ROBO2: variants seen among roughly 807,000 people sequenced by gnomAD.
ROBO2 encodes roundabout homolog 2.
Under a neutral mutation model 160.8 loss-of-function variants are expected in ROBO2, and 53 were observed. That is an observed-to-expected ratio of 0.33 (90% CI 0.26 to 0.41). The LOEUF (loss-of-function observed/expected upper bound fraction) is 0.41. ROBO2 is among the 10% of genes least tolerant of loss of function. ROBO2 has a pLI of 1.00. For synonymous variants in ROBO2, 664 were observed against 611.7 expected, an observed-to-expected ratio of 1.09 and a Z score of -1.26; for missense variants, 1,577 against 1,722.4, an observed-to-expected ratio of 0.92 and a Z score of 1.49.
intron 11 of ROBO2, chr3:77,564,320 C>A: frequency 2.8e-6 from 1 of 350,918 alleles, no homozygotes; most frequent in East Asian, 8.4e-5. Context: ...GTAAATGGGT[C>A]CTCACACACA....
intron 2 of ROBO2, among the ~76,000 whole-genome samples, chr3:76,886,114 C>G (rs1202510516): frequency 6.6e-6 from 1 of 152,144 alleles, no homozygotes; most frequent in African/African-American, 2.4e-5. Flanking sequence ...CTTGGGAATG[C>G]ACCTGCATGT....
In ROBO2 at chr3:77,493,106, T is replaced by C. The variant is rs1055064086; in HGVS notation, c.668-138T>C. The stretch of plus-strand genomic sequence containing the variant: ...ATGACATTGGATTCACAAGGCCTTA[T>C]TAAAACACAGCTGAGGTACAGAGTT... On this transcript the variant is annotated intron_variant, in intron 4 of 25. Coordinates refer to ENST00000461745, the Ensembl canonical transcript of ROBO2. 4 of 820,888 alleles carry C rather than the reference T, an allele frequency of 4.9e-6. No individual in the cohort carries two copies. In the African/African-American group the frequency reaches 6.8e-5, roughly 14 times the overall value. The allele number at this position is 820,888 out of a possible 1,614,324, so 50.9% of individuals were successfully genotyped here. A position where few individuals can be genotyped will look rare whatever the true frequency, so the allele number is the denominator to read the frequency against.
At chr3:77,282,106 AG>A (rs1323331743) in intron 2 of ROBO2, among the ~76,000 whole-genome samples, 1 of 152,184 alleles carries the variant, frequency 6.6e-6, no homozygotes, top group Non-Finnish European at 1.5e-5. Context: ...AATCATGACA[AG>A]GAAAAAATGT....
intron 2 of ROBO2, among the ~76,000 whole-genome samples, chr3:75,954,203 C>T (rs1004764211): frequency 6.6e-6 from 1 of 151,806 alleles, no homozygotes; most frequent in Non-Finnish European, 1.5e-5. Flanking sequence ...TTCTTCTTCT[C>T]TGTATTTGTT....
At chr3:76,008,010 G>C (rs1006595618) in intron 2 of ROBO2, among the ~76,000 whole-genome samples, 1 of 151,902 alleles carries the variant, frequency 6.6e-6, no homozygotes, top group Non-Finnish European at 1.5e-5. Flanking sequence ...TTGGGAGGTG[G>C]ATCACCTGAG....
At chr3:76,926,336 G>A (rs1361403658) in intron 2 of ROBO2, among the ~76,000 whole-genome samples, 4 of 152,166 alleles carry the variant, frequency 2.6e-5, no homozygotes, top group Non-Finnish European at 5.9e-5. Context: ...AGAGAAAACC[G>A]ATTCCAGGAA....
chr3:76,094,576 G>A (rs1018666474), intron 2 of ROBO2, among the ~76,000 whole-genome samples: 1 of 152,170 alleles, frequency 6.6e-6, no homozygotes, highest in Admixed American at 6.5e-5. Flanking sequence ...CCATGATTCA[G>A]TTATTTTAGA....
intron 2 of ROBO2, among the ~76,000 whole-genome samples, chr3:76,947,431 A>G (rs531283624): frequency 2.5e-4 from 38 of 152,170 alleles, no homozygotes; most frequent in Non-Finnish European, 4.7e-4. Context: ...ATCTAGTGAA[A>G]TTTAGAATAA....
chr3:76,421,008 T>C (rs1049022242), intron 2 of ROBO2, among the ~76,000 whole-genome samples: 10 of 152,184 alleles, frequency 6.6e-5, no homozygotes, highest in Non-Finnish European at 1.2e-4. Flanking sequence ...TGCTGATATT[T>C]AATAGGACTT....
chr3:76,042,975 A>T (rs774028304), intron 2 of ROBO2, among the ~76,000 whole-genome samples: 2 of 152,012 alleles, frequency 1.3e-5, no homozygotes, highest in Non-Finnish European at 2.9e-5. Context: ...CGCTGAATAA[A>T]GCCCTTCCTT....
intron 2 of ROBO2, among the ~76,000 whole-genome samples, chr3:77,464,856 C>A (rs1407688632): frequency 2.0e-5 from 3 of 152,144 alleles, no homozygotes; most frequent in African/African-American, 7.2e-5. Context: ...TGTCATAAGG[C>A]CCTAGCCCTC....
At chr3:76,089,664 A>G (rs2108083373) in intron 2 of ROBO2, among the ~76,000 whole-genome samples, 1 of 152,280 alleles carries the variant, frequency 6.6e-6, no homozygotes, top group African/African-American at 2.4e-5. Context: ...AACTAGGAAC[A>G]GAGAACTTTT....
Position 76,567,809 on chromosome 3 carries a change from T to TA in ROBO2, c.110-530205_110-530204insA, listed in dbSNP as rs56996117. On this transcript the variant is annotated intron_variant, in intron 2 of 26. Coordinates refer to the ROBO2 transcript ENST00000487694. ...TGTGTGTGTGTGTGTATATATATAT[T>TA]TTTTTTTTTTTTTTGGGGGGGGTTG... Among the ~76,000 whole-genome samples, 308 of 64,702 alleles carry TA rather than the reference T, an allele frequency of 4.8e-3. 2 individuals carry two copies. The highest frequency in any genetic ancestry group is 0.019 in the South Asian group (38 of 1,976). 42.4% of individuals were successfully genotyped at this position (64,702 alleles called of 152,430 possible). A position where few individuals can be genotyped will look rare whatever the true frequency, so the allele number is the denominator to read the frequency against.
intron 2 of ROBO2, among the ~76,000 whole-genome samples, chr3:76,078,513 AC>A (rs1162674419): frequency 6.6e-6 from 1 of 151,982 alleles, no homozygotes; most frequent in Non-Finnish European, 1.5e-5. Context: ...CTACAGACAC[AC>A]ACCACCTTGC....
rs2080088828 is a variant in ROBO2 at position 76,495,313 on chromosome 3, A to G, written c.109+557711A>G. On this transcript the variant is annotated intron_variant, in intron 2 of 26. Coordinates refer to the ROBO2 transcript ENST00000487694. Reference sequence around the variant, plus strand: ...GGTTATGTTTTATTGGTTAATTAATATCTCATTTAGTGGTTGAAGATATTT... The same window carrying G: ...GGTTATGTTTTATTGGTTAATTAATGTCTCATTTAGTGGTTGAAGATATTT... Among the ~76,000 whole-genome samples the G allele has an allele frequency of 3.3e-5, 5 of 150,514 alleles. No homozygotes were observed. In the South Asian group the frequency reaches 8.4e-4, roughly 25 times the overall value.
chr3:76,143,377 T>G (rs1577035961), intron 2 of ROBO2, among the ~76,000 whole-genome samples: 1 of 152,192 alleles, frequency 6.6e-6, no homozygotes, highest in East Asian at 1.9e-4. Context: ...TGTCACCACT[T>G]TGTCCAGTGA....
intron 2 of ROBO2, among the ~76,000 whole-genome samples, chr3:77,221,055 G>T (rs1560273763): frequency 1.3e-5 from 2 of 152,084 alleles, no homozygotes; most frequent in South Asian, 4.1e-4. Flanking sequence ...TGCATCTTGG[G>T]TTGCGTGAGC....
At chr3:76,034,782 T>G (rs1316332166) in intron 2 of ROBO2, among the ~76,000 whole-genome samples, 1 of 152,114 alleles carries the variant, frequency 6.6e-6, no homozygotes, top group Non-Finnish European at 1.5e-5. Context: ...GTGACATTTA[T>G]GAGCCTTGCC....
chr3:77,183,898 G>A (rs964528955), intron 2 of ROBO2, among the ~76,000 whole-genome samples: 2 of 152,136 alleles, frequency 1.3e-5, no homozygotes, highest in Non-Finnish European at 2.9e-5. Context: ...GATTTGCACT[G>A]TGCTGCTTAT....
Sources: gnomAD v4.1 joint callset for allele counts (sites outside exome capture counted in the v4.1 genomes callset) on GRCh38, gnomAD v4.1.1 for gene constraint, MANE v1.5 for transcripts, NCBI Gene and HGNC (gene_info 2026-07-23, HGNC 2026-07-21) for gene names.